Variants in PSMA1 observed in about 807,000 individuals in gnomAD.
PSMA1 encodes proteasome 20S subunit alpha 1.
PSMA1 carries 3 observed loss-of-function variants against 38.4 expected under a neutral mutation model. The observed-to-expected ratio is 0.08, with a 90% CI of 0.04 to 0.20. PSMA1 has a LOEUF of 0.20. PSMA1 is among the 10% of genes least tolerant of loss of function. PSMA1 has a pLI of 1.00. For missense variants in PSMA1, 227 were observed against 325.3 expected, an observed-to-expected ratio of 0.70 and a Z score of 2.32; for synonymous variants, 101 against 107.1, an observed-to-expected ratio of 0.94 and a Z score of 0.35.
rs952247611 is a variant in PSMA1 at position 14,573,041 on chromosome 11, A to C, written c.21+37925T>G. On this transcript the variant is annotated intron_variant, in intron 2 of 10. Coordinates refer to the PSMA1 transcript ENST00000418988. ...ATAATTAATAGCCTACCAACCAAAA[A>C]AAGTCCAGGACCAGATGGATTCACA... 1.4e-4 allele frequency among the ~76,000 whole-genome samples: 22 copies of C among 152,350 alleles called. 1 individual carries two copies. The East Asian group carries it at 3.5e-3, about 24-fold the overall frequency.
chr11:14,538,143 A>C (rs1470569180), intron 2 of PSMA1, among the ~76,000 whole-genome samples: 1 of 152,204 alleles, frequency 6.6e-6, no homozygotes, highest in East Asian at 1.9e-4. Flanking sequence ...AATTACTTAA[A>C]AACTACACAT....
At chr11:14,618,534 T>C (rs564119957) in intron 1 of PSMA1, among the ~76,000 whole-genome samples, 2 of 152,362 alleles carry the variant, frequency 1.3e-5, no homozygotes, top group African/African-American at 2.4e-5. Flanking sequence ...GGGAATACTA[T>C]ATGGAATTAT....
At chr11:14,616,231 G>GTTTTTTTTTTTTTTTTTTT (rs34292683) in intron 1 of PSMA1, among the ~76,000 whole-genome samples, 3 of 126,686 alleles carry the variant, frequency 2.4e-5, no homozygotes, top group Non-Finnish European at 1.7e-5. Flanking sequence ...GATCCCAACA[G>GTTTTTTTTTTTTTTTTTTT]TTTTTTTTTT....
At chr11:14,572,026 G>C (rs1852148961) in intron 2 of PSMA1, among the ~76,000 whole-genome samples, 1 of 152,176 alleles carries the variant, frequency 6.6e-6, no homozygotes, top group Non-Finnish European at 1.5e-5. Flanking sequence ...AGTCCTTAGA[G>C]ACCTACAAAG....
At chr11:14,610,350 C>G (rs1356351669) in intron 2 of PSMA1, among the ~76,000 whole-genome samples, 1 of 96 alleles carries the variant, frequency 0.01, no homozygotes, top group Non-Finnish European at 0.025. Context: ...TCTAGTGACA[C>G]AGCCTCCGAA....
At chr11:14,575,776 G>A (rs1024317899) in intron 2 of PSMA1, among the ~76,000 whole-genome samples, 10 of 152,198 alleles carry the variant, frequency 6.6e-5, no homozygotes, top group African/African-American at 2.4e-4. Flanking sequence ...TATATACCCA[G>A]TAATGGGATT....
intron 2 of PSMA1, among the ~76,000 whole-genome samples, chr11:14,584,510 T>TTG (rs1565050718): frequency 4.1e-5 from 6 of 146,452 alleles, no homozygotes; most frequent in African/African-American, 1.3e-4. Flanking sequence ...GTTTTTTGTT[T>TTG]TTTTTTTTTT....
intron 2 of PSMA1, among the ~76,000 whole-genome samples, chr11:14,596,166 G>A (rs1852490084): frequency 6.6e-6 from 1 of 152,200 alleles, no homozygotes; most frequent in Non-Finnish European, 1.5e-5. Flanking sequence ...ATAGTTTGAA[G>A]TCAGGTAGTG....
intron 2 of PSMA1, among the ~76,000 whole-genome samples, chr11:14,570,981 G>T (rs1434226852): frequency 6.6e-6 from 1 of 152,212 alleles, no homozygotes; most frequent in Non-Finnish European, 1.5e-5. Context: ...ACAAAGGGAA[G>T]CCCATCATAC....
chr11:14,596,912 A>G (rs1480481523), intron 2 of PSMA1, among the ~76,000 whole-genome samples: 1 of 152,218 alleles, frequency 6.6e-6, no homozygotes, highest in Non-Finnish European at 1.5e-5. Flanking sequence ...ATTTTGAAAT[A>G]CGTTCCATCA....
At position 14,622,726 on chromosome 11, in the gene PSMA1, T is replaced by C. The variant is rs573446490; in HGVS notation, c.-165-11575A>G. Among the ~76,000 whole-genome samples, 6 of 152,234 alleles carry C rather than the reference T, an allele frequency of 3.9e-5. No individual in the cohort carries two copies. The East Asian group carries it at 9.7e-4, about 24-fold the overall frequency. ...ATGAATACTGCTAGATTGAGTGACA[T>C]AGAAAGTTGCCAGCTTTGAGTGAAG... On this transcript the variant is annotated intron_variant, in intron 1 of 10. Coordinates refer to the PSMA1 transcript ENST00000418988.
intron 1 of PSMA1, among the ~76,000 whole-genome samples, chr11:14,626,135 CT>C (rs375741630): frequency 0.021 from 3,005 of 142,080 alleles, 98 homozygotes; most frequent in African/African-American, 0.036. Flanking sequence ...TGTTCTTTCA[CT>C]TTTTTTTTTT....
chr11:14,561,694 C>G (rs746141583), intron 2 of PSMA1, among the ~76,000 whole-genome samples: 5 of 152,172 alleles, frequency 3.3e-5, no homozygotes, highest in Non-Finnish European at 7.3e-5. Flanking sequence ...GATAGACTAT[C>G]TGCTCAATGT....
chr11:14,616,002 G>C (rs1042372296), intron 1 of PSMA1, among the ~76,000 whole-genome samples: 19 of 152,122 alleles, frequency 1.2e-4, no homozygotes, highest in Admixed American at 1.2e-3. Flanking sequence ...ATCAAGTAAA[G>C]AGCTGCCTGC....
intron 8 of PSMA1, among the ~76,000 whole-genome samples, chr11:14,508,774 A>G (rs1207077921): frequency 1.3e-5 from 2 of 152,066 alleles, no homozygotes; most frequent in Non-Finnish European, 2.9e-5. Flanking sequence ...TTTTTGCCTT[A>G]TTATTCCATT....
rs1215377006 is a variant in PSMA1 at position 14,531,005 on chromosome 11, C to CT, written c.22-11965dup. Among the ~76,000 whole-genome samples the CT allele has an allele frequency of 2.0e-5, 3 of 151,702 alleles. No homozygotes were observed. In the South Asian group the frequency reaches 6.2e-4, roughly 31 times the overall value. On this transcript the variant is annotated intron_variant, in intron 2 of 10. Transcript: ENST00000418988. ...GTACCAAAAGTTGAAGTCTAAAACT[C>CT]TATGTTTCTAGTACTCTTCTAGTAG... is the stretch of plus-strand genomic sequence containing the variant.
chr11:14,520,494 C>G (rs1487566790), upstream of PSMA1: 1 of 1,443,292 alleles, frequency 6.9e-7, no homozygotes. Flanking sequence ...GACCGCTCGG[C>G]GGCGGGCGGA....
At chr11:14,520,130 C>G in intron 1 of PSMA1, 167 bp downstream of exon 1, 1 of 1,118,582 alleles carries the variant, frequency 8.9e-7, no homozygotes, top group South Asian at 1.4e-5. Flanking sequence ...TAACCCCTAG[C>G]CCGGCCAGGC....
At chr11:14,615,747 T>A (rs1207730423) in intron 1 of PSMA1, among the ~76,000 whole-genome samples, 3 of 152,248 alleles carry the variant, frequency 2.0e-5, no homozygotes, top group Admixed American at 6.5e-5. Context: ...ACCATTTAGA[T>A]CTCTTTTTAA....
Sources: gnomAD v4.1 joint callset for allele counts (sites outside exome capture counted in the v4.1 genomes callset) on GRCh38, gnomAD v4.1.1 for gene constraint, MANE v1.5 for transcripts, NCBI Gene and HGNC (gene_info 2026-07-23, HGNC 2026-07-21) for gene names.